FBXO34: variants seen among roughly 807,000 people sequenced by gnomAD.
FBXO34 encodes F-box only protein 34.
In FBXO34, 12 loss-of-function variants were observed where a neutral mutation model predicts 24.5. The observed-to-expected ratio is 0.49, with a 90% confidence interval of 0.31 to 0.79. FBXO34 has a LOEUF of 0.79. Ranked by LOEUF, FBXO34 falls within the 30% of genes least tolerant of loss-of-function variation. The pLI is 0.04. For synonymous variants in FBXO34, 320 were observed against 311.9 expected, an observed-to-expected ratio of 1.03 and a Z score of -0.27; for missense variants, 823 against 857.7, an observed-to-expected ratio of 0.96 and a Z score of 0.51.
chr14:55,402,969 A>ATATATATAT, the FBXO34 span, among the ~76,000 whole-genome samples: 1 of 94,072 alleles, frequency 1.1e-5, no homozygotes, highest in Non-Finnish European at 2.2e-5. Flanking sequence ...ATATATATAT[A>ATATATATAT]AATAGCTGGG....
intron 1 of FBXO34, among the ~76,000 whole-genome samples, chr14:55,301,396 C>T (rs533550047): frequency 7.9e-5 from 12 of 151,148 alleles, no homozygotes; most frequent in East Asian, 1.9e-4. Context: ...GTGATTGTGC[C>T]ACTGCACTCT....
chr14:55,382,276 C>T, the FBXO34 span: 38 of 1,193,836 alleles, frequency 3.2e-5, no homozygotes, highest in South Asian at 2.9e-4. Flanking sequence ...GCTAGAACAT[C>T]GAAAAGCTGC....
chr14:55,419,551 G>A, the FBXO34 span, among the ~76,000 whole-genome samples: 2 of 152,162 alleles, frequency 1.3e-5, no homozygotes, highest in African/African-American at 4.8e-5. Context: ...GTGTAAGCTG[G>A]GCCCAGGTCC....
the FBXO34 span, chr14:55,397,523 C>CAG: frequency 9.7e-7 from 1 of 1,026,616 alleles, no homozygotes; most frequent in East Asian, 2.5e-5. Flanking sequence ...AATCATTCTG[C>CAG]AGAGTCATGT....
chr14:55,407,950 G>A, the FBXO34 span, among the ~76,000 whole-genome samples: 1 of 152,158 alleles, frequency 6.6e-6, no homozygotes, highest in African/African-American at 2.4e-5. Flanking sequence ...CCCATTGGTG[G>A]AAGTTTCATG....
At chr14:55,273,284 A>G (rs1216252145) in intron 1 of FBXO34, among the ~76,000 whole-genome samples, 1 of 152,024 alleles carries the variant, frequency 6.6e-6, no homozygotes, top group East Asian at 1.9e-4. Flanking sequence ...GATGGAAGTT[A>G]TGCCCATTTT....
At chr14:55,387,657 G>T in the FBXO34 span, among the ~76,000 whole-genome samples, 2 of 152,042 alleles carry the variant, frequency 1.3e-5, no homozygotes, top group Non-Finnish European at 2.9e-5. Context: ...TTGGTTGCAC[G>T]CATTAGATTT....
chr14:55,331,761 G>GTGTATATATATATATATGTGTA lies in FBXO34; in HGVS notation c.-10-18619_-10-18618insGTATATATATATATATGTGTAT, dbSNP rs1555338555. On this transcript the variant is annotated intron_variant, in intron 1 of 1. Transcript: ENST00000313833. Reference sequence around the variant, plus strand: ...TATATGTGTGTATATATATATATATGTATATATATATATATATACCACCAT... The same window carrying GTGTATATATATATATATGTGTA: ...TATATGTGTGTATATATATATATATGTGTATATATATATATATGTGTATATATATATATATATATACCACCAT... Among the ~76,000 whole-genome samples the GTGTATATATATATATATGTGTA allele has an allele frequency of 1.0e-4, 3 of 30,022 alleles. 1 individual carries two copies. The highest frequency in any genetic ancestry group is 1.5e-3 in the African/African-American group (2 of 1,346). The allele number at this position is 30,022 out of a possible 152,430, so 19.7% of individuals were successfully genotyped here.
chr14:55,417,455 A>T, the FBXO34 span, among the ~76,000 whole-genome samples: 2 of 38,474 alleles, frequency 5.2e-5, no homozygotes, highest in African/African-American at 8.0e-4. Flanking sequence ...CCTTGCCTTA[A>T]AAAAAAAAAA....
intron 1 of FBXO34, among the ~76,000 whole-genome samples, chr14:55,284,607 C>T (rs17740551): frequency 0.32 from 46,019 of 144,188 alleles, 9,090 homozygotes; most frequent in Non-Finnish European, 0.36. Context: ...TTGTGGTTAC[C>T]TAAAATTTTG....
intron 1 of FBXO34, chr14:55,299,004 C>T (rs532326510): frequency 7.0e-4 from 1,133 of 1,608,394 alleles, no homozygotes; most frequent in Non-Finnish European, 9.0e-4. Context: ...TGAGTTAATG[C>T]AGGACATTGC....
chr14:55,314,738 AC>A (rs1196324463), intron 1 of FBXO34, among the ~76,000 whole-genome samples: 1 of 152,248 alleles, frequency 6.6e-6, no homozygotes, highest in Non-Finnish European at 1.5e-5. Flanking sequence ...TGAAAAAAGA[AC>A]TAAAACATTT....
intron 1 of FBXO34, among the ~76,000 whole-genome samples, chr14:55,319,456 T>C (rs1883051886): frequency 6.6e-6 from 1 of 152,256 alleles, no homozygotes; most frequent in Admixed American, 6.5e-5. Flanking sequence ...TTCCATTCTG[T>C]CCTTCTTCCC....
the FBXO34 span, among the ~76,000 whole-genome samples, chr14:55,422,580 A>G: frequency 6.6e-6 from 1 of 152,178 alleles, no homozygotes; most frequent in Non-Finnish European, 1.5e-5. Flanking sequence ...GGTGGGGCAC[A>G]GTGGCTCACA....
the FBXO34 span, among the ~76,000 whole-genome samples, chr14:55,409,499 T>C: frequency 3.3e-5 from 5 of 152,032 alleles, no homozygotes; most frequent in Non-Finnish European, 5.9e-5. Flanking sequence ...GCTGGTTAAA[T>C]ACGCATGAGG....
intron 1 of FBXO34, among the ~76,000 whole-genome samples, chr14:55,302,370 G>A (rs1451139296): frequency 2.6e-5 from 4 of 151,472 alleles, no homozygotes; most frequent in Admixed American, 2.6e-4. Flanking sequence ...TGTGTACAAA[G>A]TTTGTATGAT....
At chr14:55,420,170 A>C in the FBXO34 span, among the ~76,000 whole-genome samples, 57 of 152,314 alleles carry the variant, frequency 3.7e-4, 1 homozygote, top group African/African-American at 1.3e-3. Flanking sequence ...TCCCAGGTTC[A>C]AGCGATTCTC....
At chr14:55,370,014 G>A (rs1390136661), downstream of FBXO34, 4 of 1,308,748 alleles carry the variant, frequency 3.1e-6, no homozygotes, top group Non-Finnish European at 4.2e-6. Flanking sequence ...CTCACCTGAG[G>A]GGATGAGGGA....
chr14:55,331,291 T>G (rs1768954398), intron 1 of FBXO34, among the ~76,000 whole-genome samples: 1 of 152,102 alleles, frequency 6.6e-6, no homozygotes, highest in African/African-American at 2.4e-5. Context: ...AAAAATATAT[T>G]AATGGCTTTT....
Sources: gnomAD v4.1 joint callset for allele counts (sites outside exome capture counted in the v4.1 genomes callset) on GRCh38, gnomAD v4.1.1 for gene constraint, MANE v1.5 for transcripts, NCBI Gene and HGNC (gene_info 2026-07-23, HGNC 2026-07-21) for gene names.